GRM8: variants seen among roughly 807,000 people sequenced by gnomAD.
GRM8 encodes glutamate metabotropic receptor 8.
A neutral mutation model predicts 87.2 loss-of-function variants in GRM8; 47 were observed. The ratio of observed to expected loss-of-function variants is 0.54; its 90% CI spans 0.43 to 0.69. The LOEUF (loss-of-function observed/expected upper bound fraction) is 0.69, where lower values mean the gene tolerates loss of function less well. Ranked by LOEUF, GRM8 falls within the 30% of genes least tolerant of loss-of-function variation. The pLI is 0.00. For missense variants in GRM8, 1,019 were observed against 1,139.2 expected, an observed-to-expected ratio of 0.89 and a Z score of 1.52; for synonymous variants, 396 against 404.5, an observed-to-expected ratio of 0.98 and a Z score of 0.25.
rs139136685 is a variant in GRM8, at chr7:126,750,016, T to C, written c.1357+19849A>G. Among the ~76,000 whole-genome samples, 365 of 152,240 alleles carry C rather than the reference T, an allele frequency of 2.4e-3. 3 individuals carry two copies. Among genetic ancestry groups the C allele is most frequent in the African/African-American group, 8.2e-3 (341 of 41,562 alleles). ...TTTAGCCAAGAGAAACAAAAGCATATATCCTCACAAAGAGCTGTACTTGAA... is the reference window on the plus strand; with the variant it reads ...TTTAGCCAAGAGAAACAAAAGCATACATCCTCACAAAGAGCTGTACTTGAA... On this transcript the variant is annotated intron_variant, in intron 7 of 10. Transcript: ENST00000339582.
chr7:126,557,918 ATAAAT>A (rs1231148511), intron 8 of GRM8, among the ~76,000 whole-genome samples: 6 of 152,154 alleles, frequency 3.9e-5, no homozygotes, highest in African/African-American at 1.4e-4. Flanking sequence ...GTTTTAAACT[ATAAAT>A]TATAAAGGAA....
intron 7 of GRM8, among the ~76,000 whole-genome samples, chr7:126,674,142 G>A (rs566548860): frequency 9.2e-5 from 14 of 152,014 alleles, no homozygotes; most frequent in South Asian, 4.2e-4. Context: ...CCCTACTCAC[G>A]CCACTGATTC....
intron 9 of GRM8, among the ~76,000 whole-genome samples, chr7:126,492,220 T>G (rs557709939): frequency 5.3e-5 from 8 of 151,930 alleles, no homozygotes; most frequent in Admixed American, 4.6e-4. Context: ...CTGGATAATT[T>G]TTGTATCTTT....
intron 6 of GRM8, among the ~76,000 whole-genome samples, chr7:126,865,398 T>C (rs555205155): frequency 1.3e-5 from 2 of 152,220 alleles, no homozygotes; most frequent in Non-Finnish European, 2.9e-5. Context: ...GAACTTTTAT[T>C]TTGGTAACAG....
At chr7:126,864,870 GCAGTTA>G (rs1744484642) in intron 6 of GRM8, among the ~76,000 whole-genome samples, 1 of 152,056 alleles carries the variant, frequency 6.6e-6, no homozygotes, top group African/African-American at 2.4e-5. Flanking sequence ...ATATATGGTA[GCAGTTA>G]CAGGCCAAGT....
At chr7:126,490,818 T>C (rs17680718) in intron 9 of GRM8, among the ~76,000 whole-genome samples, 49,884 of 151,984 alleles carry the variant, frequency 0.33, 8,509 homozygotes, top group East Asian at 0.42. Context: ...TTGTAGACTT[T>C]TCATATAGGT....
intron 2 of GRM8, among the ~76,000 whole-genome samples, chr7:127,174,034 G>A (rs1274459274): frequency 6.6e-6 from 1 of 152,056 alleles, no homozygotes; most frequent in Admixed American, 6.6e-5. Flanking sequence ...TAACTGACAG[G>A]TGGGAATGAA....
Position 126,468,211 on chromosome 7 carries a change from A to G in GRM8, c.2431-21839T>C, listed in dbSNP as rs77709199. ...AATCCCAGAGAGACAACTGGTGCAA[A>G]AAGAATTGAAATGCTGAATAACAAG... On this transcript the variant is annotated intron_variant, in intron 9 of 10. Transcript: ENST00000339582. 5.7e-3 allele frequency among the ~76,000 whole-genome samples: 867 copies of G among 152,148 alleles called. 7 individuals are homozygous for G. The highest frequency in any genetic ancestry group is 0.02 in the African/African-American group (818 of 41,548).
chr7:126,749,493 A>G (rs141988876), intron 7 of GRM8, among the ~76,000 whole-genome samples: 4 of 151,608 alleles, frequency 2.6e-5, no homozygotes, highest in Non-Finnish European at 5.9e-5. Flanking sequence ...CTCAAAAGAT[A>G]CCATTATGAA....
intron 2 of GRM8, chr7:127,111,158 T>G (rs1826308831): frequency 6.6e-6 from 1 of 152,212 alleles, no homozygotes; most frequent in South Asian, 2.1e-4. Context: ...TCTTAGCAGA[T>G]AGTCATGTGC....
At chr7:126,520,528 T>A (rs1052307158) in intron 9 of GRM8, among the ~76,000 whole-genome samples, 4 of 152,008 alleles carry the variant, frequency 2.6e-5, no homozygotes, top group Non-Finnish European at 5.9e-5. Context: ...ATGATGAGAA[T>A]GTCAAGGGAA....
chr7:127,188,445 T>C (rs1267083871), intron 2 of GRM8, among the ~76,000 whole-genome samples: 1 of 152,162 alleles, frequency 6.6e-6, no homozygotes, highest in Non-Finnish European at 1.5e-5. Flanking sequence ...GCCGATGCCA[T>C]GCCCCATCTG....
intron 3 of GRM8, among the ~76,000 whole-genome samples, chr7:126,907,571 C>A (rs1802849581): frequency 6.6e-6 from 1 of 151,766 alleles, no homozygotes; most frequent in African/African-American, 2.4e-5. Context: ...GAGTGGGCAA[C>A]AAAAATGAGA....
chr7:126,443,921 A>T (rs1248942344), intron 10 of GRM8, among the ~76,000 whole-genome samples: 1 of 152,008 alleles, frequency 6.6e-6, no homozygotes, highest in Non-Finnish European at 1.5e-5. Flanking sequence ...TTTTCAGGGC[A>T]TGTATTTATT....
Position 127,082,929 on chromosome 7 carries a change from G to A in GRM8, c.727+23567C>T, listed in dbSNP as rs375231839. On this transcript the variant is annotated intron_variant, in intron 3 of 10. Transcript: ENST00000339582. ...CCAGAGCGGGATCGGAACCCAGGCA[G>A]CATGGCCTCAAAGCCTGTTGCTTTA... 5.3e-4 allele frequency among the ~76,000 whole-genome samples: 80 copies of A among 152,292 alleles called. 3 individuals are homozygous for A. The South Asian group carries it at 0.015, about 28-fold the overall frequency.
intron 10 of GRM8, among the ~76,000 whole-genome samples, chr7:126,444,395 A>C (rs1019943463): frequency 2.6e-5 from 4 of 152,064 alleles, no homozygotes; most frequent in African/African-American, 9.7e-5. Context: ...GCCCATCCTT[A>C]CCTTGCTTCG....
At chr7:127,165,190 A>ATATATT (rs1793377367) in intron 2 of GRM8, among the ~76,000 whole-genome samples, 1 of 105,720 alleles carries the variant, frequency 9.5e-6, no homozygotes, top group Non-Finnish European at 1.9e-5. Context: ...ATATATATAT[A>ATATATT]TATTCAGGTT....
At chr7:126,596,654 T>C (rs746819882) in intron 8 of GRM8, among the ~76,000 whole-genome samples, 1 of 152,218 alleles carries the variant, frequency 6.6e-6, no homozygotes, top group African/African-American at 2.4e-5. Flanking sequence ...ATGTTCTGTA[T>C]GTTTACTGTG....
At chr7:127,062,000 C>T (rs569799548) in intron 3 of GRM8, among the ~76,000 whole-genome samples, 2 of 152,064 alleles carry the variant, frequency 1.3e-5, no homozygotes, top group African/African-American at 4.8e-5. Flanking sequence ...GAAAGGCTGC[C>T]AGGCGTGGTG....
Sources: gnomAD v4.1 joint callset for allele counts (sites outside exome capture counted in the v4.1 genomes callset) on GRCh38, gnomAD v4.1.1 for gene constraint, MANE v1.5 for transcripts, NCBI Gene and HGNC (gene_info 2026-07-23, HGNC 2026-07-21) for gene names.